CGNL1: variants seen among roughly 807,000 people sequenced by gnomAD.
CGNL1 encodes the protein cingulin like 1.
CGNL1 carries 132 observed loss-of-function variants against 141.2 expected under a neutral mutation model. The ratio of observed to expected loss-of-function variants is 0.93; its 90% CI spans 0.81 to 1.08. CGNL1 has a LOEUF of 1.08. Among genes scored for constraint, CGNL1 ranks in the 50% least tolerant of loss-of-function variants. The pLI is 0.00. For missense variants in CGNL1, 1,870 were observed against 1,588.6 expected (o/e 1.18, Z -3.01); for synonymous variants, 690 against 622.1 (o/e 1.11, Z -1.63).
intron 8 of CGNL1, among the ~76,000 whole-genome samples, chr15:57,484,078 G>A (rs1382666040): frequency 3.3e-5 from 5 of 151,934 alleles, no homozygotes; most frequent in Non-Finnish European, 7.4e-5. Flanking sequence ...TTTCTTTTAG[G>A]ATACTATTTG....
At chr15:57,546,025 C>T in intron 17 of CGNL1, 51 bp from the exon 18 acceptor site, 2 of 1,578,576 alleles carry the variant, frequency 1.3e-6, no homozygotes, top group East Asian at 2.2e-5. Flanking sequence ...AAGCTGAGCG[C>T]TGGGGCTGGG....
In CGNL1 at chr15:57,535,225, T is replaced by G. The variant is rs544379369; in HGVS notation, c.3291+3446T>G. ...TCTATCTACCCGTGCCTGCAAAATA[T>G]GATGAATACCTGCTGTGTGCATGGC... On this transcript the variant is annotated intron_variant, in intron 14 of 18. Transcript: ENST00000281282. 1.2e-4 allele frequency among the ~76,000 whole-genome samples: 18 copies of G among 152,326 alleles called. No homozygotes were observed. The South Asian group carries it at 3.7e-3, about 32-fold the overall frequency.
chr15:57,405,843 TTTTC>T (rs2062716003), intron 1 of CGNL1: 1 of 127,588 alleles, frequency 7.8e-6, no homozygotes, highest in Admixed American at 7.8e-5. Context: ...TTTCTTTTCT[TTTTC>T]TTTCTTTTCT....
intron 8 of CGNL1, among the ~76,000 whole-genome samples, chr15:57,480,409 A>G (rs1859015581): frequency 6.6e-6 from 1 of 152,144 alleles, no homozygotes; most frequent in South Asian, 2.1e-4. Flanking sequence ...AATCCCAGCT[A>G]CTTGGGATGG....
At chr15:57,391,776 G>A (rs1431816427) in intron 1 of CGNL1, among the ~76,000 whole-genome samples, 1 of 152,112 alleles carries the variant, frequency 6.6e-6, no homozygotes, top group Admixed American at 6.6e-5. Flanking sequence ...AGTGTTTGAT[G>A]TTTGCCTTCA....
At chr15:57,482,809 A>T (rs1415129024) in intron 8 of CGNL1, among the ~76,000 whole-genome samples, 2 of 145,556 alleles carry the variant, frequency 1.4e-5, no homozygotes, top group South Asian at 2.2e-4. Flanking sequence ...TTTGAGATGG[A>T]GTTTCACTCT....
At chr15:57,467,780 C>T (rs2063528202) in intron 8 of CGNL1, among the ~76,000 whole-genome samples, 1 of 148,448 alleles carries the variant, frequency 6.7e-6, no homozygotes, top group South Asian at 2.1e-4. Flanking sequence ...ACCTCTGCCT[C>T]CTGGGTTCAA....
At chr15:57,500,542 C>T (rs754313290) in intron 8 of CGNL1, among the ~76,000 whole-genome samples, 3 of 152,150 alleles carry the variant, frequency 2.0e-5, no homozygotes, top group Middle Eastern at 3.2e-3. Flanking sequence ...CCAGCCATCT[C>T]GGGGAACTGA....
intron 8 of CGNL1, among the ~76,000 whole-genome samples, chr15:57,500,666 C>T (rs56258004): frequency 0.95 from 144,726 of 152,170 alleles, 69,221 homozygotes; most frequent in Non-Finnish European, 1. Context: ...GAAAAAAAAG[C>T]GTGGAGCGTT....
In CGNL1 at chr15:57,528,642, C is replaced by A; in HGVS notation, c.3040-12C>A. 1 of 1,613,630 alleles carries A rather than the reference C, an allele frequency of 6.2e-7. No individual in the cohort carries two copies. The highest frequency in any genetic ancestry group is 8.5e-7 in the Non-Finnish European group (1 of 1,179,748). The stretch of plus-strand genomic sequence containing the variant: ...CACCCCAGAAAACCATCCCAGCTGT[C>A]TCTCCTCCTAGATGCGTCTGATGGA... On this transcript the variant is annotated splice_polypyrimidine_tract_variant and intron_variant, in intron 12 of 18. Transcript: ENST00000281282.
At chr15:57,470,823 A>C (rs1433109875) in intron 8 of CGNL1, among the ~76,000 whole-genome samples, 1 of 152,150 alleles carries the variant, frequency 6.6e-6, no homozygotes, top group African/African-American at 2.4e-5. Flanking sequence ...GCAGAGTAGG[A>C]GATTAGGAGA....
chr15:57,461,626 C>A, intron 7 of CGNL1, 54 bp from the exon 8 acceptor site: 1 of 1,483,640 alleles, frequency 6.7e-7, no homozygotes, highest in Non-Finnish European at 9.4e-7. Flanking sequence ...GATACAGGGC[C>A]TCTCAACAAG....
chr15:57,404,850 A>G (rs1002127415), intron 1 of CGNL1, among the ~76,000 whole-genome samples: 1 of 152,164 alleles, frequency 6.6e-6, no homozygotes, highest in Non-Finnish European at 1.5e-5. Flanking sequence ...GAATTGGGAG[A>G]TTAAAAGGGT....
intron 11 of CGNL1, 28 bp downstream of exon 11, chr15:57,523,669 G>T (rs1437062961): frequency 6.2e-7 from 1 of 1,611,936 alleles, no homozygotes; most frequent in East Asian, 2.2e-5. Flanking sequence ...GAAAGAGGAA[G>T]TAGGGCCAGA....
At position 57,437,185 on chromosome 15, in the gene CGNL1, CG is replaced by C. The variant is rs556899458; in HGVS notation, c.-15-798del. Among the ~76,000 whole-genome samples the C allele has an allele frequency of 3.4e-3, 514 of 152,258 alleles. 10 individuals are homozygous for C. Among genetic ancestry groups the C allele is most frequent in the Middle Eastern group, 3.4e-3 (1 of 294 alleles). Reference sequence around the variant, plus strand: ...GGTTGGCCACACACCAGAAAGGCAACGGCAACTATTCTTGGCATCAGGACCC... The same window carrying C: ...GGTTGGCCACACACCAGAAAGGCAACGCAACTATTCTTGGCATCAGGACCC... On this transcript the variant is annotated intron_variant, in intron 1 of 18. Transcript: ENST00000281282.
chr15:57,543,590 C>T (rs1157938457), intron 14 of CGNL1, 106 bp from the exon 15 acceptor site: 1 of 963,090 alleles, frequency 1.0e-6, no homozygotes, highest in East Asian at 2.5e-5. Context: ...TAGGGCAACC[C>T]CCTTCATAAA....
chr15:57,464,664 G>A (rs570097078), intron 8 of CGNL1, among the ~76,000 whole-genome samples: 4 of 132,384 alleles, frequency 3.0e-5, no homozygotes, highest in Non-Finnish European at 4.9e-5. Context: ...ATTTCTCTGC[G>A]GTTTCTTTTC....
intron 1 of CGNL1, among the ~76,000 whole-genome samples, chr15:57,418,298 A>G (rs2062872778): frequency 6.6e-6 from 1 of 152,116 alleles, no homozygotes; most frequent in African/African-American, 2.4e-5. Flanking sequence ...CGTAATGAAT[A>G]TCTTGTTCCA....
intron 12 of CGNL1, among the ~76,000 whole-genome samples, chr15:57,525,097 C>A (rs140930031): frequency 6.6e-6 from 1 of 152,126 alleles, no homozygotes; most frequent in African/African-American, 2.4e-5. Context: ...TAATTTAATC[C>A]TAGAATAGGG....
Sources: allele counts gnomAD v4.1 joint callset (sites outside exome capture counted in the v4.1 genomes callset), GRCh38; gene constraint gnomAD v4.1.1; transcripts MANE v1.5; gene names NCBI Gene and HGNC (gene_info 2026-07-23, HGNC 2026-07-21).